The following SLC1A2 variants were observed in gnomAD, a reference collection of about 807,000 sequenced individuals.
The protein encoded by SLC1A2 is solute carrier family 1 member 2.
In SLC1A2, 15 loss-of-function variants were observed where a neutral mutation model predicts 48.8. That is an observed-to-expected ratio of 0.31 (90% CI 0.21 to 0.47). The LOEUF (loss-of-function observed/expected upper bound fraction) is 0.47, where lower values mean the gene tolerates loss of function less well. Among genes scored for constraint, SLC1A2 ranks in the 20% least tolerant of loss-of-function variants. The probability of loss-of-function intolerance (pLI) is 0.99; values close to 1 mark genes in which losing one functional copy is unlikely to be tolerated. For missense variants in SLC1A2, 502 were observed against 730.5 expected (o/e 0.69, Z 3.61); for synonymous variants, 279 against 272.6 (o/e 1.02, Z -0.23).
intron 1 of SLC1A2, among the ~76,000 whole-genome samples, chr11:35,417,987 TG>T (rs1434958780): frequency 6.6e-6 from 1 of 152,198 alleles, no homozygotes; most frequent in Non-Finnish European, 1.5e-5. Context: ...ATGGATTTTG[TG>T]ATCGCTTGCA....
intron 1 of SLC1A2, among the ~76,000 whole-genome samples, chr11:35,351,119 C>A (rs186622485): frequency 4.5e-4 from 69 of 152,272 alleles, no homozygotes; most frequent in Admixed American, 8.5e-4. Context: ...TACTATCCTC[C>A]AATAACCCAG....
chr11:35,389,400 C>CT (rs80349646), intron 1 of SLC1A2, among the ~76,000 whole-genome samples: 18,149 of 151,692 alleles, frequency 0.12, 1,231 homozygotes, highest in Admixed American at 0.17. Flanking sequence ...GGTTTTTGGT[C>CT]TTTTTTTTGT....
At chr11:35,411,216 T>A (rs1327601962) in intron 1 of SLC1A2, among the ~76,000 whole-genome samples, 1 of 152,210 alleles carries the variant, frequency 6.6e-6, no homozygotes, top group Admixed American at 6.5e-5. Flanking sequence ...ATTAGCCCAA[T>A]ATTTATTCTT....
At chr11:35,342,515 G>GTTT (rs143334138) in intron 1 of SLC1A2, among the ~76,000 whole-genome samples, 13 of 99,226 alleles carry the variant, frequency 1.3e-4, no homozygotes, top group African/African-American at 1.7e-4. Context: ...TCAAATGAGT[G>GTTT]TTTTTTTTGT....
intron 6 of SLC1A2, chr11:35,298,878 T>C (rs938985456): frequency 1.3e-5 from 2 of 152,236 alleles, no homozygotes; most frequent in Admixed American, 6.5e-5. Context: ...ATTGCCCATG[T>C]TATTGGCATC....
Position 35,315,069 on chromosome 11 carries a change from C to A in SLC1A2, c.264G>T (p.Met88Ile). Residue 88 changes from methionine to isoleucine, a missense_variant, in exon 3 of 11, where the codon ATG becomes ATT. Around this residue, in one of 4 missense-constraint regions of SLC1A2, gnomAD observed 89 missense variants for 119.7 expected, o/e 0.74. Transcript: ENST00000278379. ...TTAGAGGGAGAATGAGCATTTTTAG[C>A]ATCCTCATGAGTATATCCCCTGGGA... The part of the protein sequence containing the change: ...IAFPGDILMR[M>I]LKMLILPLII... 6.2e-7 allele frequency: 1 copy of A among 1,612,630 alleles called. No homozygotes were observed. The highest frequency in any genetic ancestry group is 1.1e-5 in the South Asian group (1 of 91,048).
chr11:35,413,929 G>C (rs1398226840), intron 1 of SLC1A2: 1 of 152,226 alleles, frequency 6.6e-6, no homozygotes, highest in East Asian at 1.9e-4. Flanking sequence ...AAATAGAGGG[G>C]GGCATGGGGA....
chr11:35,382,603 C>T (rs1854464465), intron 1 of SLC1A2, among the ~76,000 whole-genome samples: 1 of 152,214 alleles, frequency 6.6e-6, no homozygotes, highest in East Asian at 1.9e-4. Flanking sequence ...CAAGCCCAGC[C>T]TGGCCAACAT....
At chr11:35,382,750 C>T (rs939474957) in intron 1 of SLC1A2, among the ~76,000 whole-genome samples, 1 of 151,658 alleles carries the variant, frequency 6.6e-6, no homozygotes. Flanking sequence ...GAGCTGCGAT[C>T]ACGCCACTGC....
chr11:35,380,612 C>T (rs1030929256), intron 1 of SLC1A2: 7 of 391,186 alleles, frequency 1.8e-5, no homozygotes, highest in Admixed American at 4.4e-5. Flanking sequence ...CAATTCTGTT[C>T]CATCAGGAAC....
At chr11:35,399,628 G>T (rs940467849) in intron 1 of SLC1A2, 1 of 982,366 alleles carries the variant, frequency 1.0e-6, no homozygotes, top group South Asian at 4.7e-5. Flanking sequence ...TGTATGCGGA[G>T]TATTCAATCA....
chr11:35,281,702 T>A (rs1850638286), intron 8 of SLC1A2: 1 of 152,006 alleles, frequency 6.6e-6, no homozygotes, highest in Admixed American at 6.6e-5. Flanking sequence ...CCCAGCACCA[T>A]TTTGAAGTTT....
chr11:35,328,154 G>A (rs1427460976), intron 1 of SLC1A2, among the ~76,000 whole-genome samples: 1 of 152,086 alleles, frequency 6.6e-6, no homozygotes, highest in African/African-American at 2.4e-5. Context: ...ATAAGAAAAT[G>A]GCATCCACTC....
intron 1 of SLC1A2, among the ~76,000 whole-genome samples, chr11:35,398,752 T>C (rs1180072043): frequency 6.6e-6 from 1 of 152,290 alleles, no homozygotes; most frequent in East Asian, 1.9e-4. Context: ...AAATGGTCCA[T>C]TCATAGGATA....
At chr11:35,392,760 C>T (rs1011962970) in intron 1 of SLC1A2, among the ~76,000 whole-genome samples, 1 of 152,168 alleles carries the variant, frequency 6.6e-6, no homozygotes, top group Non-Finnish European at 1.5e-5. Context: ...TAGGACCTCC[C>T]CTTCTGGAAG....
In SLC1A2 at chr11:35,253,399, A is replaced by G. The variant is rs1950269959; in HGVS notation, c.*7495T>C. On this transcript the variant is annotated 3_prime_UTR_variant, in exon 11 of 11. Coordinates refer to ENST00000278379, the MANE Select transcript of SLC1A2 (RefSeq NM_004171.4). ...ACTCATCCTCAGTCTCTGCTACTCA[A>G]AGTTTTCCTAAGCCAATTTCCACAT... 1 of 152,622 alleles carries G rather than the reference A, an allele frequency of 6.6e-6. No homozygotes were observed. Among genetic ancestry groups the G allele is most frequent in the African/African-American group, 2.4e-5 (1 of 41,456 alleles). The allele number at this position is 152,622 out of a possible 1,614,324, so 9.5% of individuals were successfully genotyped here. A position where few individuals can be genotyped will look rare whatever the true frequency, so the allele number is the denominator to read the frequency against.
intron 4 of SLC1A2, among the ~76,000 whole-genome samples, chr11:35,309,649 G>A (rs1268127413): frequency 2.6e-5 from 4 of 152,146 alleles, no homozygotes; most frequent in Non-Finnish European, 5.9e-5. Flanking sequence ...TCTGGTCAAG[G>A]AGCCTCCTCC....
At chr11:35,291,126 G>C (rs1386546020) in intron 7 of SLC1A2, among the ~76,000 whole-genome samples, 1 of 152,180 alleles carries the variant, frequency 6.6e-6, no homozygotes, top group African/African-American at 2.4e-5. Context: ...GAATTTGCTT[G>C]CCTCCCTGCC....
chr11:35,403,613 G>A (rs564379700), intron 1 of SLC1A2, among the ~76,000 whole-genome samples: 9 of 152,250 alleles, frequency 5.9e-5, no homozygotes, highest in Non-Finnish European at 1.0e-4. Flanking sequence ...GCATTAAACC[G>A]TGGACTGCCT....
Sources: allele counts gnomAD v4.1 joint callset (sites outside exome capture counted in the v4.1 genomes callset), GRCh38; gene constraint gnomAD v4.1.1; regional missense constraint gnomAD v4.1.1; transcripts MANE v1.5; gene names NCBI Gene and HGNC (gene_info 2026-07-23, HGNC 2026-07-21).